Variants in NLGN4X observed in about 807,000 individuals in gnomAD.
NLGN4X encodes neuroligin 4 X-linked, also known as neuroligin-4, X-linked.
A neutral mutation model predicts 40.3 loss-of-function variants in NLGN4X; 3 were observed. The ratio of observed to expected loss-of-function variants is 0.07; its 90% CI spans 0.03 to 0.19. NLGN4X has a LOEUF of 0.19. Ranked by LOEUF, NLGN4X falls within the 10% of genes least tolerant of loss-of-function variation. The probability of loss-of-function intolerance (pLI) is 1.00; values close to 1 mark genes in which losing one functional copy is unlikely to be tolerated. For missense variants in NLGN4X, 382 were observed against 708.3 expected (o/e 0.54, Z 5.23); for synonymous variants, 270 against 306.8 (o/e 0.88, Z 1.25).
intron 1 of NLGN4X, among the ~76,000 whole-genome samples, chrX:6,207,591 T>C (rs1034951261): frequency 8.9e-6 from 1 of 112,079 alleles, no homozygotes; most frequent in Non-Finnish European, 1.9e-5. Flanking sequence ...ATTAAATAAA[T>C]GCATATGGGA....
chrX:6,141,766 C>T (rs918366769), intron 2 of NLGN4X, among the ~76,000 whole-genome samples: 1 of 111,195 alleles, frequency 9.0e-6, no homozygotes, highest in East Asian at 2.8e-4. Flanking sequence ...CTGCAGTGAG[C>T]AGAGATCATA....
intron 3 of NLGN4X, among the ~76,000 whole-genome samples, chrX:5,943,084 A>T (rs1422597733): frequency 9.0e-6 from 1 of 111,603 alleles, no homozygotes; most frequent in East Asian, 2.8e-4. Flanking sequence ...TGGAACAATC[A>T]GTCCAGACAA....
At chrX:6,047,280 C>T (rs2037350407) in intron 2 of NLGN4X, among the ~76,000 whole-genome samples, 1 of 110,790 alleles carries the variant, frequency 9.0e-6, no homozygotes, top group African/African-American at 3.3e-5. Context: ...GAGTTCGAGA[C>T]CAGCCTGGGC....
intron 2 of NLGN4X, chrX:6,032,801 C>CAA (rs1168543764): frequency 1.2e-6 from 1 of 859,313 alleles, no homozygotes; most frequent in Non-Finnish European, 1.6e-6. Flanking sequence ...AATTCAAAAA[C>CAA]AACAGGTTTT....
At chrX:5,945,240 T>C (rs1217189876) in intron 3 of NLGN4X, among the ~76,000 whole-genome samples, 3 of 111,148 alleles carry the variant, frequency 2.7e-5, no homozygotes, top group Non-Finnish European at 3.8e-5. Flanking sequence ...AAAGGCTTTA[T>C]AGGAAGAAAA....
intron 3 of NLGN4X, among the ~76,000 whole-genome samples, chrX:5,922,049 A>G (rs1329763104): frequency 2.7e-5 from 3 of 111,879 alleles, no homozygotes; most frequent in Non-Finnish European, 5.6e-5. Flanking sequence ...GCTCTTCACC[A>G]AGAATCAGAG....
At chrX:6,028,301 G>A (rs914183016) in intron 3 of NLGN4X, among the ~76,000 whole-genome samples, 2 of 111,574 alleles carry the variant, frequency 1.8e-5, no homozygotes, top group African/African-American at 6.5e-5. Context: ...CACCAGGAAA[G>A]GCCATCTCAG....
intron 2 of NLGN4X, among the ~76,000 whole-genome samples, chrX:6,118,978 A>G (rs916841401): frequency 8.9e-6 from 1 of 112,134 alleles, no homozygotes; most frequent in Admixed American, 9.5e-5. Flanking sequence ...AGATATCAGT[A>G]TGACCACAGC....
chrX:6,074,184 A>T (rs1435714215), intron 2 of NLGN4X, among the ~76,000 whole-genome samples: 2 of 111,356 alleles, frequency 1.8e-5, no homozygotes, highest in Non-Finnish European at 3.8e-5. Flanking sequence ...TCCACAAAGG[A>T]CAGCTGAGAT....
chrX:5,943,543 T>A (rs1418055059), intron 3 of NLGN4X, among the ~76,000 whole-genome samples: 1 of 112,088 alleles, frequency 8.9e-6, no homozygotes. Flanking sequence ...GCAGTGTGAA[T>A]CCCCTGGATA....
intron 4 of NLGN4X, among the ~76,000 whole-genome samples, chrX:5,907,527 T>C (rs1282911616): frequency 3.6e-5 from 4 of 111,888 alleles, no homozygotes; most frequent in African/African-American, 1.3e-4. Flanking sequence ...AGTGCACATC[T>C]GGTTGGGTAC....
At chrX:5,894,430 T>TA (rs1183517779) in intron 5 of NLGN4X, among the ~76,000 whole-genome samples, 1 of 112,239 alleles carries the variant, frequency 8.9e-6, no homozygotes, top group Non-Finnish European at 1.9e-5. Flanking sequence ...TATTTGAAGG[T>TA]AAAAAGATGA....
At chrX:6,158,147 C>G (rs922576828) in intron 1 of NLGN4X, among the ~76,000 whole-genome samples, 2 of 111,837 alleles carry the variant, frequency 1.8e-5, no homozygotes, top group African/African-American at 6.5e-5. Context: ...ATCTCTCTCA[C>G]CGAACTCAAA....
intron 1 of NLGN4X, among the ~76,000 whole-genome samples, chrX:6,223,412 C>G (rs975627024): frequency 8.9e-6 from 1 of 112,019 alleles, no homozygotes; most frequent in Non-Finnish European, 1.9e-5. Context: ...CTTTTATTTA[C>G]TTATTTTTTG....
intron 2 of NLGN4X, among the ~76,000 whole-genome samples, chrX:6,115,535 G>A (rs1167376417): frequency 9.0e-6 from 1 of 111,688 alleles, no homozygotes; most frequent in Non-Finnish European, 1.9e-5. Context: ...ACTGAGGGAC[G>A]AGAAGGTAAA....
At chrX:5,936,822 G>A (rs905075536) in intron 3 of NLGN4X, among the ~76,000 whole-genome samples, 5 of 111,990 alleles carry the variant, frequency 4.5e-5, no homozygotes, top group African/African-American at 9.7e-5. Flanking sequence ...GTTAAATCAC[G>A]AGTGGCAGAG....
chrX:6,108,748 T>C (rs758582802), intron 2 of NLGN4X, among the ~76,000 whole-genome samples: 65 of 111,116 alleles, frequency 5.8e-4, no homozygotes, highest in Middle Eastern at 4.6e-3. Context: ...TGCAAGGAAC[T>C]GATGGCAGAA....
chrX:5,958,277 A>C (rs1213793992), intron 3 of NLGN4X, among the ~76,000 whole-genome samples: 1 of 112,155 alleles, frequency 8.9e-6, no homozygotes, highest in Non-Finnish European at 1.9e-5. Context: ...GGATTAAAAA[A>C]AGAATATTTC....
At chrX:6,116,290 CAAAAAAAAAAAAAAA>C (rs758019203) in intron 2 of NLGN4X, among the ~76,000 whole-genome samples, 5 of 16,165 alleles carry the variant, frequency 3.1e-4, no homozygotes, top group Non-Finnish European at 5.1e-4. Flanking sequence ...GAGACTCTGT[CAAAAAAAAAAAAAAA>C]AAAAAAAAAA....
Sources: allele counts gnomAD v4.1 joint callset (sites outside exome capture counted in the v4.1 genomes callset), GRCh38; gene constraint gnomAD v4.1.1; transcripts MANE v1.5; gene names NCBI Gene and HGNC (gene_info 2026-07-23, HGNC 2026-07-21).